Variants in POLR2F observed in about 807,000 individuals in gnomAD.
POLR2F encodes the protein DNA-directed RNA polymerases I, II, and III subunit RPABC2.
In POLR2F, 12 loss-of-function variants were observed where a neutral mutation model predicts 22.7. The observed-to-expected ratio is 0.53, with a 90% CI of 0.34 to 0.86. The LOEUF (loss-of-function observed/expected upper bound fraction) is 0.86. Ranked by LOEUF, POLR2F falls within the 40% of genes least tolerant of loss-of-function variation. The probability of loss-of-function intolerance (pLI) is 0.02; values close to 1 mark genes in which losing one functional copy is unlikely to be tolerated. For missense variants in POLR2F, 126 were observed against 171.5 expected (o/e 0.73, Z 1.48); for synonymous variants, 57 against 66.0 (o/e 0.86, Z 0.66).
intron 1 of POLR2F, among the ~76,000 whole-genome samples, chr22:38,001,427 AT>A (rs2145799143): frequency 6.6e-6 from 1 of 152,286 alleles, no homozygotes; most frequent in East Asian, 1.9e-4. Flanking sequence ...TTAAAGATAG[AT>A]TTTTAGGGGA....
chr22:38,006,847 G>A (rs796701631), intron 1 of POLR2F, among the ~76,000 whole-genome samples: 51 of 152,276 alleles, frequency 3.3e-4, no homozygotes, highest in African/African-American at 1.2e-3. Flanking sequence ...GGGATCCTGG[G>A]GTCCTCCTGC....
chr22:38,029,408 T>C (rs1601916925), downstream of POLR2F, among the ~76,000 whole-genome samples: 1 of 152,274 alleles, frequency 6.6e-6, no homozygotes, highest in African/African-American at 2.4e-5. Flanking sequence ...TAAATAAGGC[T>C]CTGTCTCCTC....
At chr22:37,984,137 A>G (rs1355635924), upstream of POLR2F, 1 of 179,986 alleles carries the variant, frequency 5.6e-6, no homozygotes, top group African/African-American at 2.4e-5. This position sits in a 1 kb window ranked among gnomAD's most constrained non-coding sequence, Gnocchi z 4.4. Context: ...TAAGGAAGAA[A>G]AAAACGGAGC....
chr22:38,017,011 C>A lies in POLR2F; in HGVS notation c.121-8858C>A, dbSNP rs927082456. Among the ~76,000 whole-genome samples, 1 of 152,126 alleles carries A rather than the reference C, an allele frequency of 6.6e-6. No individual in the cohort carries two copies. Among genetic ancestry groups the A allele is most frequent in the African/African-American group, 2.4e-5 (1 of 41,440 alleles). On this transcript the variant is annotated intron_variant, in intron 1 of 2. Transcript: ENST00000333418. This position sits in a 1 kb window ranked among gnomAD's most constrained non-coding sequence, Gnocchi z 4.1. ...CAGCGCAAGGGGCCAGCCAGCCCCCCACCCCAGCCTCTGCTGCCTGGCACC... is the reference window on the plus strand; with the variant it reads ...CAGCGCAAGGGGCCAGCCAGCCCCCAACCCCAGCCTCTGCTGCCTGGCACC...
At chr22:37,965,586 G>A (rs1351744130) in intron 3 of POLR2F, among the ~76,000 whole-genome samples, 3 of 152,206 alleles carry the variant, frequency 2.0e-5, no homozygotes, top group African/African-American at 7.2e-5. Context: ...ATTCTTTAAA[G>A]CTTTATATTT....
At chr22:38,035,931 C>A (rs976920734) in intron 5 of POLR2F, among the ~76,000 whole-genome samples, 13 of 151,968 alleles carry the variant, frequency 8.6e-5, no homozygotes, top group African/African-American at 3.1e-4. Flanking sequence ...CCCTGGGAGG[C>A]CAGGAACCAG....
chr22:37,986,285 C>T lies in POLR2F; in HGVS notation c.95C>T (p.Ala32Val). The change falls in exon 1 of 3, where the codon GCC becomes GTC. Residue 32 changes from alanine (A) to valine (V), a missense_variant. Coordinates refer to the POLR2F transcript ENST00000333418. This position sits in a 1 kb window ranked among gnomAD's most constrained non-coding sequence, Gnocchi z 4.7. ...AACACCCGCTGCTGCCCGCCCGCTG[C>T]CTGCCTGCCTGGCATCTCTCTCTCC... is the stretch of plus-strand genomic sequence containing the variant. The T allele has an allele frequency of 6.5e-7, 1 of 1,537,920 alleles. No homozygotes were observed. Among genetic ancestry groups the T allele is most frequent in the Non-Finnish European group, 8.7e-7 (1 of 1,146,576 alleles).
At chr22:38,035,719 C>CA (rs1435667320) in intron 5 of POLR2F, among the ~76,000 whole-genome samples, 1 of 152,182 alleles carries the variant, frequency 6.6e-6, no homozygotes, top group African/African-American at 2.4e-5. Context: ...AGGCACCCGC[C>CA]GGGCCACTGG....
intron 1 of POLR2F, among the ~76,000 whole-genome samples, chr22:37,996,931 A>C (rs1332171364): frequency 6.6e-6 from 1 of 152,130 alleles, no homozygotes; most frequent in African/African-American, 2.4e-5. Flanking sequence ...TAGATGGTCT[A>C]AGGGCCTCTC....
intron 5 of POLR2F, among the ~76,000 whole-genome samples, chr22:38,037,599 T>C (rs2085129115): frequency 6.7e-6 from 1 of 148,230 alleles, no homozygotes; most frequent in African/African-American, 2.5e-5. Context: ...CTATCTCCTT[T>C]TTTTTTTTTT....
chr22:37,983,898 C>CCGCG (rs1932490220), upstream of POLR2F: 1 of 931,806 alleles, frequency 1.1e-6, no homozygotes, highest in Non-Finnish European at 1.4e-6. This position sits in a 1 kb window ranked among gnomAD's most constrained non-coding sequence, Gnocchi z 9.5. Flanking sequence ...GATGGAGCGG[C>CCGCG]CGCGCGCGCA....
intron 3 of POLR2F, among the ~76,000 whole-genome samples, chr22:37,961,777 T>TA (rs1931649983): frequency 6.6e-6 from 1 of 151,232 alleles, no homozygotes; most frequent in African/African-American, 2.4e-5. Flanking sequence ...TTTTGAGGAG[T>TA]AGGTGAGGGG....
intron 1 of POLR2F, among the ~76,000 whole-genome samples, chr22:37,994,603 C>T (rs574728780): frequency 5.9e-5 from 9 of 152,270 alleles, no homozygotes; most frequent in Non-Finnish European, 1.5e-5. Flanking sequence ...ACTGCAAGCT[C>T]CGCCCCCCGG....
upstream of POLR2F, among the ~76,000 whole-genome samples, chr22:37,984,901 G>A (rs1932526721): frequency 6.6e-6 from 1 of 152,166 alleles, no homozygotes; most frequent in Non-Finnish European, 1.5e-5. The surrounding 1 kb of genome is among the most constrained non-coding windows in gnomAD (Gnocchi z 4.4). Flanking sequence ...ACTTGGCAGG[G>A]GACTAGGGAG....
At chr22:37,998,341 G>A (rs1403401266) in intron 1 of POLR2F, among the ~76,000 whole-genome samples, 4 of 152,214 alleles carry the variant, frequency 2.6e-5, no homozygotes, top group Non-Finnish European at 5.9e-5. Flanking sequence ...CCGGGCCGAG[G>A]GTCTGAGCCT....
chr22:37,967,045 G>A (rs1164797529), intron 3 of POLR2F, 54 bp from the exon 4 acceptor site: 2 of 1,340,188 alleles, frequency 1.5e-6, no homozygotes, highest in East Asian at 4.8e-5. Context: ...ACTGCCTGTT[G>A]GGCCCTTCTC....
chr22:37,959,006 C>G (rs780171970), intron 2 of POLR2F, among the ~76,000 whole-genome samples: 2 of 152,124 alleles, frequency 1.3e-5, no homozygotes, highest in Non-Finnish European at 2.9e-5. Flanking sequence ...GCCAGGACCT[C>G]TTTTACAGGA....
chr22:38,021,717 A>G (rs1413844219), intron 1 of POLR2F, among the ~76,000 whole-genome samples: 1 of 151,798 alleles, frequency 6.6e-6, no homozygotes, highest in Non-Finnish European at 1.5e-5. Flanking sequence ...TCAGCCTCCC[A>G]AAGTACCGGG....
intron 1 of POLR2F, among the ~76,000 whole-genome samples, chr22:37,954,712 G>T (rs921160810): frequency 6.6e-6 from 1 of 152,176 alleles, no homozygotes; most frequent in South Asian, 2.1e-4. Flanking sequence ...TAAAGATAGA[G>T]CCCAAAAATT....
Sources: allele counts gnomAD v4.1 joint callset (sites outside exome capture counted in the v4.1 genomes callset), GRCh38; gene constraint gnomAD v4.1.1; non-coding constraint Gnocchi (gnomAD v3.1); transcripts MANE v1.5; gene names NCBI Gene and HGNC (gene_info 2026-07-23, HGNC 2026-07-21).